Variants in MYO19 observed in about 807,000 individuals in gnomAD.
The protein encoded by MYO19 is myosin XIX.
MYO19 carries 132 observed loss-of-function variants against 129.2 expected under a neutral mutation model. The ratio of observed to expected loss-of-function variants is 1.02; its 90% CI spans 0.89 to 1.18. The LOEUF is 1.18. MYO19 is among the 50% of genes most tolerant of loss of function. The pLI is 0.00. For synonymous variants in MYO19, 531 were observed against 477.2 expected, an observed-to-expected ratio of 1.11 and a Z score of -1.47; for missense variants, 1,210 against 1,216.7, an observed-to-expected ratio of 0.99 and a Z score of 0.08.
chr17:36,543,479 A>G (rs1464387864), upstream of MYO19: 1 of 152,082 alleles, frequency 6.6e-6, no homozygotes, highest in Non-Finnish European at 1.5e-5. Context: ...TTGCCGGGTA[A>G]TGACACCTTC....
intron 23 of MYO19, 69 bp from the exon 24 acceptor site, chr17:36,499,229 G>T: frequency 8.9e-7 from 1 of 1,118,646 alleles, no homozygotes; most frequent in Non-Finnish European, 1.3e-6. Flanking sequence ...TGACCTCGCT[G>T]CAGCAGCACC....
At chr17:36,509,358 G>C (rs1224548824) in intron 13 of MYO19, 2 of 592,562 alleles carry the variant, frequency 3.4e-6, no homozygotes, top group Non-Finnish European at 3.0e-6. Flanking sequence ...CACAAACCTG[G>C]CATGTCCTTA....
chr17:36,526,241 C>G (rs2073457516), intron 5 of MYO19, among the ~76,000 whole-genome samples: 1 of 152,214 alleles, frequency 6.6e-6, no homozygotes, highest in Admixed American at 6.5e-5. Flanking sequence ...CTAGTGGGTT[C>G]TGTTCCCAGT....
At chr17:36,526,641 C>T (rs1049272938) in intron 5 of MYO19, among the ~76,000 whole-genome samples, 1 of 152,156 alleles carries the variant, frequency 6.6e-6, no homozygotes, top group Non-Finnish European at 1.5e-5. Context: ...AATCTCAGCA[C>T]TTTGGGAGGC....
chr17:36,515,057 A>ACTTTCAACCTCCCCAGTCC, intron 8 of MYO19, 56 bp downstream of exon 8: 1 of 1,526,628 alleles, frequency 6.6e-7, no homozygotes, highest in Non-Finnish European at 8.9e-7. Flanking sequence ...TGCCCCAGCC[A>ACTTTCAACCTCCCCAGTCC]CTTTCAACCT....
In MYO19 at chr17:36,527,928, G is replaced by A. The variant is rs1030551396; in HGVS notation, c.151+136C>T. The A allele has an allele frequency of 4.7e-6, 6 of 1,282,086 alleles. No homozygotes were observed. In the East Asian group the frequency reaches 7.5e-5, roughly 16 times the overall value. The allele number at this position is 1,282,086 out of a possible 1,614,324, so 79.4% of individuals were successfully genotyped here. A position where few individuals can be genotyped will look rare whatever the true frequency, so the allele number is the denominator to read the frequency against. On this transcript the variant is annotated intron_variant, in intron 4 of 25. Transcript: ENST00000614623. ...CAGCTGTCATGCTCCCTCAGGCGGA[G>A]GTCTGGAGCAGCCCACCTGGCTCCA...
chr17:36,525,015 G>T (rs1037439150), intron 6 of MYO19, among the ~76,000 whole-genome samples: 1 of 152,166 alleles, frequency 6.6e-6, no homozygotes, highest in Admixed American at 6.5e-5. Flanking sequence ...CAGGGTGATG[G>T]CAGAGCTTGC....
At chr17:36,514,696 C>T (rs1037218474) in intron 8 of MYO19, 148 bp from the exon 9 acceptor site, 3 of 628,902 alleles carry the variant, frequency 4.8e-6, no homozygotes, top group Admixed American at 2.8e-5. Context: ...GTGGGGACCA[C>T]TCAGAATGTC....
At chr17:36,500,091 C>G (rs2071404559) in intron 23 of MYO19, 2 of 152,076 alleles carry the variant, frequency 1.3e-5, no homozygotes, top group South Asian at 2.1e-4. Context: ...TTCCTGGGCT[C>G]AAGTGATCCT....
intron 2 of MYO19, among the ~76,000 whole-genome samples, chr17:36,541,826 A>G (rs1032602440): frequency 6.6e-6 from 1 of 152,242 alleles, no homozygotes; most frequent in African/African-American, 2.4e-5. Context: ...CTCAAGAAGT[A>G]TTTGCTGCAG....
intron 21 of MYO19, among the ~76,000 whole-genome samples, chr17:36,502,332 C>A (rs1267148920): frequency 6.6e-6 from 1 of 152,192 alleles, no homozygotes; most frequent in Non-Finnish European, 1.5e-5. Flanking sequence ...ACCTGCAGGA[C>A]AAGTCACCCA....
chr17:36,500,722 G>A (rs1324377313), intron 23 of MYO19, 108 bp downstream of exon 23: 17 of 1,426,980 alleles, frequency 1.2e-5, no homozygotes, highest in Non-Finnish European at 1.6e-5. Context: ...CATCTCTTCA[G>A]GCTGGGACAC....
At chr17:36,517,845 T>C (rs948543049) in intron 6 of MYO19, among the ~76,000 whole-genome samples, 9 of 151,856 alleles carry the variant, frequency 5.9e-5, no homozygotes, top group African/African-American at 1.9e-4. Context: ...TCCCAGCACT[T>C]TGGGAGGCTG....
chr17:36,531,147 C>A (rs558050044), intron 3 of MYO19, among the ~76,000 whole-genome samples: 1 of 151,986 alleles, frequency 6.6e-6, no homozygotes, highest in African/African-American at 2.4e-5. Context: ...GTAGTCCCAG[C>A]ACTTTGGGAG....
At position 36,525,351 on chromosome 17, in the gene MYO19, C is replaced by T. The variant is rs1470447913; in HGVS notation, c.301-10G>A. 1.3e-6 allele frequency: 2 copies of T among 1,593,838 alleles called. No individual in the cohort carries two copies. The highest frequency in any genetic ancestry group is 1.7e-6 in the Non-Finnish European group (2 of 1,162,254). On this transcript the variant is annotated splice_polypyrimidine_tract_variant and intron_variant, in intron 5 of 25. Transcript: ENST00000614623. ...CATGGGGCTTCAGTTTCTGGAACAT[C>T]AAGGAGTGAAAGGTCATGTGAGGGA...
intron 11 of MYO19, among the ~76,000 whole-genome samples, chr17:36,512,225 ACACACACACAC>A (rs1179356140): frequency 1.3e-4 from 19 of 151,336 alleles, no homozygotes; most frequent in African/African-American, 4.6e-4. Context: ...ACACACACAC[ACACACACACAC>A]AAAATTAGCT....
chr17:36,511,212 T>C lies in MYO19; in HGVS notation c.985+153A>G, dbSNP rs942747773. On this transcript the variant is annotated intron_variant, in intron 12 of 25. Coordinates refer to ENST00000614623, the MANE Select transcript of MYO19 (RefSeq NM_001163735.2). ...ATACTGTCTGCCTCACCAGACAGGG[T>C]GAGGAGTAAATGATCCAGGGCCAGG... The C allele has an allele frequency of 7.7e-6, 6 of 777,064 alleles. No homozygotes were observed. The Admixed American group carries it at 1.2e-4, about 15-fold the overall frequency. 48.1% of individuals were successfully genotyped at this position (777,064 alleles called of 1,614,324 possible). A position where few individuals can be genotyped will look rare whatever the true frequency, so the allele number is the denominator to read the frequency against.
At chr17:36,502,745 T>G in intron 21 of MYO19, 2 of 255,814 alleles carry the variant, frequency 7.8e-6, no homozygotes, top group Non-Finnish European at 7.5e-6. Flanking sequence ...CTGGCTGGAG[T>G]TCCTCATACC....
chr17:36,537,873 CT>C, upstream of MYO19: 1 of 1,614,050 alleles, frequency 6.2e-7, no homozygotes. Flanking sequence ...TATTTTTCCC[CT>C]AAATAAGTCC....
Sources: gnomAD v4.1 joint callset for allele counts (sites outside exome capture counted in the v4.1 genomes callset) on GRCh38, gnomAD v4.1.1 for gene constraint, MANE v1.5 for transcripts, NCBI Gene and HGNC (gene_info 2026-07-23, HGNC 2026-07-21) for gene names.